Variants in PCSK5 observed in about 807,000 individuals in gnomAD.
PCSK5 encodes prohormone convertase 5.
PCSK5 carries 129 observed loss-of-function variants against 233.2 expected under a neutral mutation model. That is an observed-to-expected ratio of 0.55 (90% CI 0.48 to 0.64). The LOEUF is 0.64. Ranked by LOEUF, PCSK5 falls within the 30% of genes least tolerant of loss-of-function variation. The pLI is 0.00. For missense variants in PCSK5, 2,076 were observed against 2,430.1 expected, an observed-to-expected ratio of 0.85 and a Z score of 3.06; for synonymous variants, 825 against 879.2, an observed-to-expected ratio of 0.94 and a Z score of 1.09.
chr9:76,064,028 C>G (rs1198150869), intron 5 of PCSK5, among the ~76,000 whole-genome samples: 14 of 99,294 alleles, frequency 1.4e-4, no homozygotes, highest in African/African-American at 7.0e-4. Context: ...CACCTCCCTC[C>G]CGGACGGGGC....
intron 22 of PCSK5, among the ~76,000 whole-genome samples, chr9:76,238,046 C>T (rs181824324): frequency 7.0e-4 from 106 of 152,166 alleles, no homozygotes; most frequent in Middle Eastern, 3.4e-3. Context: ...CCCTAGACCC[C>T]GGTTATTCTG....
At position 76,358,928 on chromosome 9, in the gene PCSK5, C is replaced by G; in HGVS notation, c.*6C>G. ...GTTACTCCTACTACCAGTAAACAGG[C>G]ACTCCCCCACCAACACCACCATTCC... On this transcript the variant is annotated 3_prime_UTR_variant, in exon 38 of 38. Transcript: ENST00000674117. 1 of 1,608,848 alleles carries G rather than the reference C, an allele frequency of 6.2e-7. No individual in the cohort carries two copies. The highest frequency in any genetic ancestry group is 8.5e-7 in the Non-Finnish European group (1 of 1,177,134).
intron 12 of PCSK5, among the ~76,000 whole-genome samples, chr9:76,163,350 A>G (rs1426913197): frequency 6.6e-6 from 1 of 152,182 alleles, no homozygotes; most frequent in African/African-American, 2.4e-5. Flanking sequence ...CCTGTGAAGA[A>G]CAGCTGTTGG....
intron 10 of PCSK5, among the ~76,000 whole-genome samples, chr9:76,138,275 G>A (rs1564055129): frequency 6.6e-6 from 1 of 152,006 alleles, no homozygotes; most frequent in Non-Finnish European, 1.5e-5. Context: ...GGTCATGTTA[G>A]ATAAGTGTTG....
chr9:76,224,884 C>T (rs1048455615), intron 20 of PCSK5, among the ~76,000 whole-genome samples: 27 of 152,176 alleles, frequency 1.8e-4, no homozygotes, highest in African/African-American at 5.5e-4. Flanking sequence ...CCTAACGATG[C>T]CTCATCTGTA....
At chr9:75,973,760 C>T (rs79554223) in intron 2 of PCSK5, among the ~76,000 whole-genome samples, 2,200 of 152,226 alleles carry the variant, frequency 0.014, 55 homozygotes, top group African/African-American at 0.049. Flanking sequence ...CTCAAGTCAC[C>T]GATGCTCAGT....
intron 17 of PCSK5, among the ~76,000 whole-genome samples, chr9:76,186,051 C>A (rs10117209): frequency 6.6e-6 from 1 of 152,046 alleles, no homozygotes; most frequent in Non-Finnish European, 1.5e-5. Flanking sequence ...CCAGTAACCA[C>A]ATTAAGAGAA....
At chr9:76,200,966 C>T (rs963145915) in intron 20 of PCSK5, among the ~76,000 whole-genome samples, 4 of 152,214 alleles carry the variant, frequency 2.6e-5, no homozygotes, top group South Asian at 2.1e-4. Context: ...ATTTGAGAAG[C>T]ATTCACTCAG....
intron 36 of PCSK5, among the ~76,000 whole-genome samples, chr9:76,351,529 A>AAAG (rs1554724839): frequency 9.2e-6 from 1 of 108,608 alleles, no homozygotes; most frequent in Non-Finnish European, 2.0e-5. Context: ...AGAAAGAAAG[A>AAAG]AAGGAAGGAA....
At position 76,227,536 on chromosome 9, in the gene PCSK5, C is replaced by T; in HGVS notation, c.2660C>T (p.Thr887Ile). 6.2e-7 allele frequency: 1 copy of T among 1,612,020 alleles called. No homozygotes were observed. The highest frequency in any genetic ancestry group is 8.5e-7 in the Non-Finnish European group (1 of 1,179,476). ...EYVDEHGHCQ[T>I]CEASCAKCQG... is the part of the protein sequence containing the mutation. Reference sequence around the variant, plus strand: ...GTTGATGAGCATGGCCACTGCCAGACCTGTGAGGCCTCATGTGCCAAGTGC... The same window carrying T: ...GTTGATGAGCATGGCCACTGCCAGATCTGTGAGGCCTCATGTGCCAAGTGC... Residue 887 changes from threonine (T) to isoleucine (I), a missense_variant, in exon 21 of 38, where the codon ACC becomes ATC. By Grantham distance (89) the Thr-to-Ile change is moderately conservative. Coordinates refer to ENST00000674117, the MANE Select transcript of PCSK5 (RefSeq NM_001372043.1).
chr9:76,243,307 C>T (rs916937992), intron 24 of PCSK5, among the ~76,000 whole-genome samples: 2 of 152,122 alleles, frequency 1.3e-5, no homozygotes, highest in East Asian at 1.9e-4. Context: ...GGTGATATGG[C>T]TGTGATCCTA....
chr9:76,293,130 G>T (rs1397228217), intron 25 of PCSK5, among the ~76,000 whole-genome samples: 1 of 151,206 alleles, frequency 6.6e-6, no homozygotes, highest in Non-Finnish European at 1.5e-5. Flanking sequence ...CCTTTGGCGG[G>T]TCACCTCCTC....
chr9:76,148,352 C>CCT (rs989564201), intron 10 of PCSK5, among the ~76,000 whole-genome samples: 12 of 13,612 alleles, frequency 8.8e-4, no homozygotes, highest in Non-Finnish European at 1.5e-3. Flanking sequence ...TTTCTCTCTC[C>CCT]CTCTCTCTCC....
At chr9:75,985,668 T>C (rs1009031027) in intron 2 of PCSK5, among the ~76,000 whole-genome samples, 12 of 152,206 alleles carry the variant, frequency 7.9e-5, no homozygotes, top group African/African-American at 2.9e-4. Flanking sequence ...CACCCATTCA[T>C]TTACATATCA....
At chr9:76,096,176 A>T in intron 8 of PCSK5, 74 bp downstream of exon 8, 4 of 810,858 alleles carry the variant, frequency 4.9e-6, no homozygotes, top group Non-Finnish European at 6.0e-6. Flanking sequence ...GAGAACCATA[A>T]ACATATATAT....
chr9:76,334,984 A>G (rs553817888), intron 34 of PCSK5, among the ~76,000 whole-genome samples: 1 of 152,280 alleles, frequency 6.6e-6, no homozygotes, highest in South Asian at 2.1e-4. Context: ...AATCTGTGGC[A>G]TGAGAATTGC....
rs774797690 is a variant in PCSK5 at position 76,328,071 on chromosome 9, C to T, written c.4402C>T (p.Leu1468=). 8 of 1,612,782 alleles carry T rather than the reference C, an allele frequency of 5.0e-6. No homozygotes were observed. Among genetic ancestry groups the T allele is most frequent in the Non-Finnish European group, 8.5e-7 (1 of 1,179,872 alleles). Residue 1468 remains leucine, a synonymous_variant, in exon 33 of 38, where the codon CTG becomes TTG. Coordinates refer to ENST00000674117, the MANE Select transcript of PCSK5 (RefSeq NM_001372043.1). The stretch of plus-strand genomic sequence containing the variant: ...GACCTGCACCACCTGTCAGAAAGGC[C>T]TGATCATGAACCCTCGTGGGAGCTG... ...SGTCTTCQKG[L]IMNPRGSCMA...
intron 3 of PCSK5, among the ~76,000 whole-genome samples, chr9:75,992,572 T>TACACACAC (rs34250537): frequency 4.0e-5 from 6 of 150,732 alleles, no homozygotes; most frequent in Admixed American, 2.0e-4. Context: ...TAACTTTAAA[T>TACACACAC]ACACACACAC....
intron 24 of PCSK5, among the ~76,000 whole-genome samples, chr9:76,245,733 A>G (rs1429231958): frequency 2.0e-5 from 3 of 152,208 alleles, no homozygotes; most frequent in African/African-American, 7.2e-5. Context: ...TGTGACTAAA[A>G]GAGAATCATT....
Sources: allele counts gnomAD v4.1 joint callset (sites outside exome capture counted in the v4.1 genomes callset), GRCh38; gene constraint gnomAD v4.1.1; transcripts MANE v1.5; gene names NCBI Gene and HGNC (gene_info 2026-07-23, HGNC 2026-07-21).